TRDN: variants seen among roughly 807,000 people sequenced by gnomAD.
The protein encoded by TRDN is triadin.
TRDN carries 161 observed loss-of-function variants against 149.7 expected under a neutral mutation model. The ratio of observed to expected loss-of-function variants is 1.08; its 90% confidence interval spans 0.95 to 1.23. The LOEUF is 1.23. TRDN is among the 50% of genes most tolerant of loss of function. TRDN has a pLI of 0.00. For missense variants in TRDN, 896 were observed against 823.5 expected, an observed-to-expected ratio of 1.09 and a Z score of -1.08; for synonymous variants, 294 against 250.5, an observed-to-expected ratio of 1.17 and a Z score of -1.64.
At chr6:123,379,153 T>C (rs1040314585) in intron 16 of TRDN, among the ~76,000 whole-genome samples, 4 of 152,312 alleles carry the variant, frequency 2.6e-5, no homozygotes, top group Non-Finnish European at 5.9e-5. Context: ...GACTAGAATA[T>C]GTTCATACTG....
chr6:123,497,919 A>C (rs1778518103), intron 8 of TRDN, among the ~76,000 whole-genome samples: 1 of 152,164 alleles, frequency 6.6e-6, no homozygotes, highest in Non-Finnish European at 1.5e-5. Flanking sequence ...AAAGTAAACA[A>C]ACAAACAAAA....
At chr6:123,497,353 T>C (rs2114813423) in intron 8 of TRDN, 101 bp from the exon 9 acceptor site, 1 of 742,110 alleles carries the variant, frequency 1.3e-6, no homozygotes, top group East Asian at 3.4e-5. Context: ...AGCACAATTC[T>C]ATTTTGGTTA....
chr6:123,410,894 G>A (rs1344904747), intron 12 of TRDN, among the ~76,000 whole-genome samples: 1 of 151,670 alleles, frequency 6.6e-6, no homozygotes, highest in Non-Finnish European at 1.5e-5. Flanking sequence ...CCTATTGATT[G>A]CCAACATACA....
intron 1 of TRDN, among the ~76,000 whole-genome samples, chr6:123,584,849 G>C (rs955564990): frequency 2.0e-5 from 3 of 152,138 alleles, no homozygotes; most frequent in Admixed American, 6.5e-5. Context: ...TTGGAACCAC[G>C]GGGTGGATAG....
intron 20 of TRDN, among the ~76,000 whole-genome samples, chr6:123,358,665 T>C (rs760927726): frequency 1.2e-4 from 19 of 152,190 alleles, no homozygotes; most frequent in Non-Finnish European, 2.5e-4. Flanking sequence ...TTTGTTTTAG[T>C]AGAGACAGGG....
chr6:123,593,211 T>A (rs574655692), intron 1 of TRDN, among the ~76,000 whole-genome samples: 577 of 152,324 alleles, frequency 3.8e-3, no homozygotes, highest in Non-Finnish European at 7.2e-3. Flanking sequence ...TTATATAACA[T>A]CTCTGCACCA....
intron 12 of TRDN, among the ~76,000 whole-genome samples, chr6:123,396,028 T>C (rs1256945420): frequency 6.6e-6 from 1 of 152,182 alleles, no homozygotes; most frequent in Admixed American, 6.5e-5. Context: ...TGAGGACACA[T>C]GCAAAGAAGA....
chr6:123,347,229 G>A (rs1180031939), intron 21 of TRDN, among the ~76,000 whole-genome samples: 2 of 152,076 alleles, frequency 1.3e-5, no homozygotes, highest in South Asian at 2.1e-4. Flanking sequence ...ATTTTGCTAA[G>A]AGAATATAGT....
chr6:123,605,810 G>T (rs947152341), intron 1 of TRDN, among the ~76,000 whole-genome samples: 15 of 151,952 alleles, frequency 9.9e-5, no homozygotes, highest in African/African-American at 3.4e-4. Flanking sequence ...CATTCCTGAA[G>T]AAATTAATAT....
At chr6:123,571,490 T>TTTTG (rs71767467) in intron 1 of TRDN, among the ~76,000 whole-genome samples, 5,281 of 151,344 alleles carry the variant, frequency 0.035, 122 homozygotes, top group South Asian at 0.08. Context: ...GTCATTCATG[T>TTTTG]TTTGTTTGTT....
chr6:123,318,945 G>C (rs1295670430), intron 23 of TRDN, among the ~76,000 whole-genome samples: 2 of 152,024 alleles, frequency 1.3e-5, no homozygotes, highest in African/African-American at 4.8e-5. Context: ...AGTGTTATGT[G>C]AACAGTAATG....
At chr6:123,357,231 T>C (rs893125438) in intron 20 of TRDN, among the ~76,000 whole-genome samples, 2 of 152,034 alleles carry the variant, frequency 1.3e-5, no homozygotes, top group Admixed American at 6.6e-5. Flanking sequence ...AACATAGTAA[T>C]TAATTAATAT....
chr6:123,474,698 A>G (rs965978435), intron 9 of TRDN, among the ~76,000 whole-genome samples: 3 of 152,102 alleles, frequency 2.0e-5, no homozygotes, highest in African/African-American at 7.2e-5. Flanking sequence ...CAGCAAATGT[A>G]AAAGAACAGA....
intron 1 of TRDN, among the ~76,000 whole-genome samples, chr6:123,594,032 G>A (rs1783913971): frequency 6.6e-6 from 1 of 151,996 alleles, no homozygotes; most frequent in South Asian, 2.1e-4. Context: ...AGGTTAGCTG[G>A]ATTAAAAAAT....
chr6:123,357,067 C>T (rs558407235), intron 20 of TRDN, among the ~76,000 whole-genome samples: 15 of 151,314 alleles, frequency 9.9e-5, no homozygotes, highest in East Asian at 1.9e-4. Flanking sequence ...TCTTTTATTC[C>T]GCCTTTTTTC....
chr6:123,388,882 T>C (rs1782006006), intron 13 of TRDN, among the ~76,000 whole-genome samples: 2 of 152,270 alleles, frequency 1.3e-5, no homozygotes, highest in Middle Eastern at 3.4e-3. Flanking sequence ...TAGAAGGTCG[T>C]AAAATATAGG....
chr6:123,560,306 C>T (rs1203102325), intron 2 of TRDN, among the ~76,000 whole-genome samples: 1 of 152,118 alleles, frequency 6.6e-6, no homozygotes, highest in Non-Finnish European at 1.5e-5. Context: ...GGCCCTCACT[C>T]TTACAAAGGG....
At chr6:123,479,221 T>C (rs1294197307) in intron 9 of TRDN, among the ~76,000 whole-genome samples, 2 of 152,174 alleles carry the variant, frequency 1.3e-5, no homozygotes, top group African/African-American at 4.8e-5. Flanking sequence ...TTGTGGTTTT[T>C]TTCCCCAATC....
At chr6:123,421,011 CT>C (rs1213016189) in intron 12 of TRDN, among the ~76,000 whole-genome samples, 4 of 152,132 alleles carry the variant, frequency 2.6e-5, no homozygotes, top group African/African-American at 4.8e-5. Flanking sequence ...CTGATTCTTT[CT>C]TTTTTCTAAC....
Sources: gnomAD v4.1 joint callset for allele counts (sites outside exome capture counted in the v4.1 genomes callset) on GRCh38, gnomAD v4.1.1 for gene constraint, MANE v1.5 for transcripts, NCBI Gene and HGNC (gene_info 2026-07-23, HGNC 2026-07-21) for gene names.